Variants in BEND4 observed in about 807,000 individuals in gnomAD.
BEND4 encodes the protein BEN domain containing 4, also known as BEN domain-containing protein 4.
In BEND4, 27 loss-of-function variants were observed where a neutral mutation model predicts 54.7. That is an observed-to-expected ratio of 0.49 (90% CI 0.36 to 0.68). The LOEUF is 0.68. BEND4 is among the 30% of genes least tolerant of loss of function. The pLI, the probability that BEND4 is intolerant of heterozygous loss-of-function variation, is 0.00. For missense variants in BEND4, 702 were observed against 697.2 expected, an observed-to-expected ratio of 1.01 and a Z score of -0.08; for synonymous variants, 327 against 299.5, an observed-to-expected ratio of 1.09 and a Z score of -0.95.
At chr4:42,128,603 G>A (rs769456552) in intron 3 of BEND4, among the ~76,000 whole-genome samples, 21 of 151,478 alleles carry the variant, frequency 1.4e-4, no homozygotes, top group Non-Finnish European at 2.4e-4. Flanking sequence ...CAGCCTAGGC[G>A]ACAGAGCAAG....
Position 42,112,027 on chromosome 4 carries a change from C to T in BEND4, c.*5491G>A, listed in dbSNP as rs1416065868. ...TATGGTTTGTATGTTCCTACCTAAG[C>T]ATCGACATACTTTAGTAGTTTTTAG... On this transcript the variant is annotated 3_prime_UTR_variant, in exon 6 of 6. Transcript: ENST00000502486. The T allele has an allele frequency of 1.3e-5, 2 of 152,232 alleles. No individual in the cohort carries two copies. Among genetic ancestry groups the T allele is most frequent in the African/African-American group, 4.8e-5 (2 of 41,452 alleles). The allele number at this position is 152,232 out of a possible 1,614,324, so 9.4% of individuals were successfully genotyped here. A position where few individuals can be genotyped will look rare whatever the true frequency, so the allele number is the denominator to read the frequency against.
intron 3 of BEND4, among the ~76,000 whole-genome samples, chr4:42,135,371 C>T (rs1720662892): frequency 1.3e-5 from 2 of 152,168 alleles, no homozygotes; most frequent in Admixed American, 1.3e-4. Flanking sequence ...GAGCACTAGG[C>T]ACAGAATAAT....
At chr4:42,145,826 T>C (rs1214598207) in intron 2 of BEND4, among the ~76,000 whole-genome samples, 4 of 152,154 alleles carry the variant, frequency 2.6e-5, no homozygotes, top group Admixed American at 2.0e-4. Flanking sequence ...AGATCTCTTC[T>C]ACTCAGTAGA....
chr4:42,143,362 C>A, intron 3 of BEND4, 66 bp downstream of exon 3: 1 of 1,352,658 alleles, frequency 7.4e-7, no homozygotes, highest in East Asian at 2.5e-5. Flanking sequence ...CAGAAATACA[C>A]AGACAGATGA....
chr4:42,138,138 G>C (rs1262373158), intron 3 of BEND4, among the ~76,000 whole-genome samples: 1 of 152,208 alleles, frequency 6.6e-6, no homozygotes, highest in South Asian at 2.1e-4. Flanking sequence ...GCACTCCCAC[G>C]TTCATTGCAG....
chr4:42,142,677 TAA>T (rs766019816), intron 3 of BEND4, among the ~76,000 whole-genome samples: 8 of 138,050 alleles, frequency 5.8e-5, no homozygotes, highest in Non-Finnish European at 7.9e-5. Context: ...CTTACCAGTT[TAA>T]AAAAAAAAAA....
At chr4:42,121,308 C>T in intron 4 of BEND4, among the ~76,000 whole-genome samples, 1 of 152,166 alleles carries the variant, frequency 6.6e-6, no homozygotes, top group East Asian at 1.9e-4. Flanking sequence ...AAGAGGGAGG[C>T]AGCCCGATGC....
In BEND4 at chr4:42,147,481, CTT is replaced by C. The variant is rs71664398; in HGVS notation, c.488-3489_488-3488del. Among the ~76,000 whole-genome samples, 153 of 131,922 alleles carry C rather than the reference CTT, an allele frequency of 1.2e-3. 1 individual carries two copies. Among genetic ancestry groups the C allele is most frequent in the African/African-American group, 3.4e-3 (119 of 35,502 alleles). 86.5% of individuals were successfully genotyped at this position (131,922 alleles called of 152,430 possible). On this transcript the variant is annotated intron_variant, in intron 2 of 5. Coordinates refer to ENST00000502486, the MANE Select transcript of BEND4 (RefSeq NM_207406.4). Reference sequence around the variant, plus strand: ...TGAACACGTATTATGATTTTTTTAACTTTTTTTTTTTTTTTTTTTGTTAAGTC... The same window carrying C: ...TGAACACGTATTATGATTTTTTTAACTTTTTTTTTTTTTTTTTGTTAAGTC...
At position 42,152,240 on chromosome 4, in the gene BEND4, G is replaced by T. The variant is rs1323864855; in HGVS notation, c.-97C>A. 1.7e-6 allele frequency: 2 copies of T among 1,172,222 alleles called. No homozygotes were observed. The highest frequency in any genetic ancestry group is 2.1e-6 in the Non-Finnish European group (2 of 934,124). The allele number at this position is 1,172,222 out of a possible 1,614,324, so 72.6% of individuals were successfully genotyped here. On this transcript the variant is annotated 5_prime_UTR_variant, in exon 2 of 6. Transcript: ENST00000502486. Reference sequence around the variant, plus strand: ...GCCGCCTGCCCGCCGGGTCTGCCCTGGTGCGCGCGTGTGGGAGGGTGTGTG... The same window carrying T: ...GCCGCCTGCCCGCCGGGTCTGCCCTTGTGCGCGCGTGTGGGAGGGTGTGTG...
intron 5 of BEND4, among the ~76,000 whole-genome samples, chr4:42,117,978 G>A (rs1410648331): frequency 4.6e-5 from 7 of 151,922 alleles, no homozygotes; most frequent in African/African-American, 1.7e-4. Context: ...TCCCTCTAAG[G>A]AACATTTGCT....
At chr4:42,118,983 T>C (rs772770244) in intron 5 of BEND4, among the ~76,000 whole-genome samples, 2 of 152,224 alleles carry the variant, frequency 1.3e-5, no homozygotes, top group Non-Finnish European at 2.9e-5. Flanking sequence ...GTGGGCCATG[T>C]GTGCATACGC....
chr4:42,129,962 A>G (rs1232924644), intron 3 of BEND4, among the ~76,000 whole-genome samples: 1 of 152,222 alleles, frequency 6.6e-6, no homozygotes, highest in Non-Finnish European at 1.5e-5. Context: ...GTCAACAAAC[A>G]ATCTACAGAA....
intron 4 of BEND4, among the ~76,000 whole-genome samples, chr4:42,123,060 T>G (rs1231694894): frequency 6.6e-6 from 1 of 152,144 alleles, no homozygotes; most frequent in Non-Finnish European, 1.5e-5. Context: ...TCTCATAAAA[T>G]GTAGGAATAC....
rs571789656 is a variant in BEND4 at position 42,147,418 on chromosome 4, A to T, written c.488-3424T>A. Among the ~76,000 whole-genome samples the T allele has an allele frequency of 1.1e-4, 17 of 152,148 alleles. No homozygotes were observed. In the South Asian group the frequency reaches 3.3e-3, roughly 30 times the overall value. ...TTCTGTTTTCATACAAACACAATTG[A>T]ATGGCTACTGATCTATGATTCTTAA... On this transcript the variant is annotated intron_variant, in intron 2 of 5. Coordinates refer to ENST00000502486, the MANE Select transcript of BEND4 (RefSeq NM_207406.4).
intron 3 of BEND4, among the ~76,000 whole-genome samples, chr4:42,129,999 ATCTGACAAAGGTC>A (rs1363296862): frequency 6.6e-6 from 1 of 152,252 alleles, no homozygotes; most frequent in Admixed American, 6.5e-5. Context: ...CAATCTATCC[ATCTGACAAAGGTC>A]TAACATCCAG....
At chr4:42,121,536 A>C (rs1390039799) in intron 4 of BEND4, among the ~76,000 whole-genome samples, 1 of 152,198 alleles carries the variant, frequency 6.6e-6, no homozygotes, top group Non-Finnish European at 1.5e-5. Flanking sequence ...TGTTGGACCA[A>C]AGTTTCCTCA....
intron 2 of BEND4, among the ~76,000 whole-genome samples, chr4:42,149,809 G>C (rs1056095616): frequency 1.3e-5 from 2 of 152,008 alleles, no homozygotes; most frequent in Admixed American, 1.3e-4. Context: ...CAAGTGACTG[G>C]TGCAGAAAAA....
intron 4 of BEND4, among the ~76,000 whole-genome samples, chr4:42,124,047 C>T (rs930476811): frequency 6.6e-6 from 1 of 152,202 alleles, no homozygotes; most frequent in African/African-American, 2.4e-5. Flanking sequence ...CTTGTTAACA[C>T]ACATGTAGTC....
chr4:42,146,185 G>A (rs1721075160), intron 2 of BEND4, among the ~76,000 whole-genome samples: 1 of 152,158 alleles, frequency 6.6e-6, no homozygotes, highest in African/African-American at 2.4e-5. Context: ...GATCTATGCT[G>A]CCATCTTCTC....
Sources: gnomAD v4.1 joint callset for allele counts (sites outside exome capture counted in the v4.1 genomes callset) on GRCh38, gnomAD v4.1.1 for gene constraint, MANE v1.5 for transcripts, NCBI Gene and HGNC (gene_info 2026-07-23, HGNC 2026-07-21) for gene names.